Variants in ZFYVE19 observed in about 807,000 individuals in gnomAD.
The protein encoded by ZFYVE19 is zinc finger FYVE-type containing 19.
ZFYVE19 carries 49 observed loss-of-function variants against 62.8 expected under a neutral mutation model. The observed-to-expected ratio is 0.78, with a 90% CI of 0.62 to 0.99. ZFYVE19 has a LOEUF of 0.99. Among genes scored for constraint, ZFYVE19 ranks in the 50% least tolerant of loss-of-function variants. The probability of loss-of-function intolerance (pLI) is 0.00; values close to 1 mark genes in which losing one functional copy is unlikely to be tolerated. For missense variants in ZFYVE19, 630 were observed against 601.9 expected, an observed-to-expected ratio of 1.05 and a Z score of -0.49; for synonymous variants, 242 against 234.3, an observed-to-expected ratio of 1.03 and a Z score of -0.30.
chr15:40,813,894 A>G, intron 9 of ZFYVE19, 49 bp from the exon 10 acceptor site: 4 of 1,592,992 alleles, frequency 2.5e-6, no homozygotes, highest in Non-Finnish European at 3.4e-6. Context: ...AGCAGCTCAC[A>G]TACCCCACTG....
chr15:40,808,056 G>C lies in ZFYVE19; in HGVS notation c.279+188G>C, dbSNP rs141749573. On this transcript the variant is annotated intron_variant, in intron 1 of 10. Coordinates refer to ENST00000355341, the MANE Select transcript of ZFYVE19 (RefSeq NM_001077268.2). ...CTCTCGCTTTCAGGGTTTATGTGAG[G>C]GTCCACTGAAGTGCTTTAGGTGAGA... 213 of 1,030,342 alleles carry C rather than the reference G, an allele frequency of 2.1e-4. 1 individual carries two copies. The East Asian group carries it at 4.7e-3, about 23-fold the overall frequency. The allele number at this position is 1,030,342 out of a possible 1,614,324, so 63.8% of individuals were successfully genotyped here.
At chr15:40,808,931 A>C in intron 1 of ZFYVE19, 188 bp from the exon 2 acceptor site, 1 of 667,092 alleles carries the variant, frequency 1.5e-6, no homozygotes, top group Non-Finnish European at 2.5e-6. Flanking sequence ...TTTGGCTTGA[A>C]TAAGGTACTG....
rs146679421 is a variant in ZFYVE19, at chr15:40,807,429, C to A, written c.-161C>A. On this transcript the variant is annotated 5_prime_UTR_variant, in exon 1 of 11. Transcript: ENST00000355341. Reference sequence around the variant, plus strand: ...GCGCGTACAGGTCCATCTGTAAGAGCTCCTTGGTCACTGCCATGGTTCCGG... The same window carrying A: ...GCGCGTACAGGTCCATCTGTAAGAGATCCTTGGTCACTGCCATGGTTCCGG... The A allele has an allele frequency of 1.5e-5, 25 of 1,614,156 alleles. No individual in the cohort carries two copies. The highest frequency in any genetic ancestry group is 3.3e-5 in the Admixed American group (2 of 60,016).
Position 40,810,206 on chromosome 15 carries a change from C to T in ZFYVE19, c.707C>T (p.Thr236Ile). ...ALQGRVLPSQ[T>I]PQPAHHTPDT... ...CAGGGCAGAGTTCTACCTTCTCAAA[C>T]CCCCCAGCCGGTGAGTGTTATGGCT... Residue 236 changes from threonine to isoleucine, a missense_variant, in exon 5 of 11, where the codon ACC (threonine) becomes ATC (isoleucine). By Grantham distance (89) the Thr-to-Ile change is moderately conservative. Transcript: ENST00000355341. 1.2e-6 allele frequency: 2 copies of T among 1,614,070 alleles called. No individual in the cohort carries two copies. Among genetic ancestry groups the T allele is most frequent in the Non-Finnish European group, 1.7e-6 (2 of 1,179,998 alleles).
Position 40,813,402 on chromosome 15 carries a change from A to G in ZFYVE19, c.1095A>G (p.Gln365=), listed in dbSNP as rs1447011428. 1.2e-6 allele frequency: 2 copies of G among 1,608,144 alleles called. No homozygotes were observed. The highest frequency in any genetic ancestry group is 1.7e-5 in the Admixed American group (1 of 59,262). The change falls in exon 8 of 11, where the codon CAA becomes CAG. Residue 365 remains glutamine (Q), a synonymous_variant. Transcript: ENST00000355341. ...ACGAGGATGAGGAGACAGCCATCCA[A>G]AGAGTCCTGCAGCAGGTGGGCCTGG... is the stretch of plus-strand genomic sequence containing the variant. The part of the protein sequence containing the change: ...DDDEDEETAI[Q]RVLQQLTEEA...
intron 6 of ZFYVE19, among the ~76,000 whole-genome samples, chr15:40,812,231 A>G (rs1463568705): frequency 2.0e-5 from 3 of 152,188 alleles, no homozygotes; most frequent in African/African-American, 7.2e-5. Context: ...GCTGAGCAAA[A>G]AGCTGATGAT....
Position 40,814,289 on chromosome 15 carries a change from C to A in ZFYVE19, c.*63C>A. ...CAGCGGCACCCATTTCTGGGCCCAGCCACAGGACGTCCGATGGGAGAGCTT... is the reference window on the plus strand; with the variant it reads ...CAGCGGCACCCATTTCTGGGCCCAGACACAGGACGTCCGATGGGAGAGCTT... On this transcript the variant is annotated 3_prime_UTR_variant, in exon 11 of 11. Coordinates refer to ENST00000355341, the MANE Select transcript of ZFYVE19 (RefSeq NM_001077268.2). The A allele has an allele frequency of 6.3e-7, 1 of 1,582,480 alleles. No homozygotes were observed. Among genetic ancestry groups the A allele is most frequent in the Non-Finnish European group, 8.6e-7 (1 of 1,159,436 alleles).
chr15:40,813,483 T>C, intron 8 of ZFYVE19, 66 bp downstream of exon 8: 1 of 1,484,672 alleles, frequency 6.7e-7, no homozygotes, highest in Non-Finnish European at 9.2e-7. Context: ...ACCTCTACTC[T>C]GGGGCTGGGT....
rs201565395 is a variant in ZFYVE19 at position 40,807,721 on chromosome 15, A to C, written c.132A>C (p.Gly44=). The part of the protein sequence containing the change: ...PVGVWGGAGQ[G]REGRSWGEGP... ...GCGTGTGGGGCGGGGCAGGGCAGGG[A>C]AGGGAAGGGCGGAGCTGGGGTGAGG... is the stretch of plus-strand genomic sequence containing the variant. The change falls in exon 1 of 11, where the codon GGA becomes GGC. Residue 44 remains glycine (G), a synonymous_variant. Transcript: ENST00000355341. The C allele has an allele frequency of 8.5e-6, 11 of 1,298,324 alleles. No homozygotes were observed. In the South Asian group the frequency reaches 9.2e-5, roughly 11 times the overall value. 80.4% of individuals were successfully genotyped at this position (1,298,324 alleles called of 1,614,324 possible). A position where few individuals can be genotyped will look rare whatever the true frequency, so the allele number is the denominator to read the frequency against.
Position 40,807,538 on chromosome 15 carries a change from A to G in ZFYVE19, c.-52A>G. ...CCGAGCGGCGCCTAGCCCTCTGGGA[A>G]TTGTGTTCTGGGTCAGGCTTGACTG... On this transcript the variant is annotated 5_prime_UTR_variant, in exon 1 of 11. Transcript: ENST00000355341. 6.2e-7 allele frequency: 1 copy of G among 1,604,666 alleles called. No individual in the cohort carries two copies.
intron 4 of ZFYVE19, 28 bp from the exon 5 acceptor site, chr15:40,810,043 T>A (rs1890429719): frequency 6.2e-7 from 1 of 1,614,024 alleles, no homozygotes; most frequent in South Asian, 1.1e-5. Context: ...CTCTGGCCCT[T>A]ACAAGGCTCC....
chr15:40,811,927 G>A (rs983111987), intron 6 of ZFYVE19, among the ~76,000 whole-genome samples: 8 of 152,322 alleles, frequency 5.3e-5, no homozygotes, highest in Middle Eastern at 3.4e-3. Flanking sequence ...CCTGCCCAGT[G>A]ATATACAAGC....
In ZFYVE19 at chr15:40,812,870, T is replaced by C; in HGVS notation, c.998T>C (p.Leu333Pro). The change falls in exon 7 of 11, where the codon CTA (leucine) becomes CCA (proline). Residue 333 changes from leucine to proline, a missense_variant. By Grantham distance (98) the Leu-to-Pro change is moderately conservative. Coordinates refer to ENST00000355341, the MANE Select transcript of ZFYVE19 (RefSeq NM_001077268.2). ...CGGATTCTGGCCCTGGCCAAGCGAC[T>C]AGCCATGCTGCGGGGACAGGACCCC... ...QERILALAKR[L>P]AMLRGQDPER... 1 of 1,613,086 alleles carries C rather than the reference T, an allele frequency of 6.2e-7. No homozygotes were observed. The highest frequency in any genetic ancestry group is 8.5e-7 in the Non-Finnish European group (1 of 1,179,980).
At position 40,810,119 on chromosome 15, in the gene ZFYVE19, A is replaced by C. The variant is rs368589091; in HGVS notation, c.620A>C (p.Lys207Thr). The C allele has an allele frequency of 2.4e-5, 39 of 1,614,080 alleles. No homozygotes were observed. In the African/African-American group the frequency reaches 5.2e-4, roughly 22 times the overall value. ...AEIEARLAAL[K>T]DERQGSIPST... The stretch of plus-strand genomic sequence containing the variant: ...ATAGAGGCACGGCTGGCTGCCCTAA[A>C]GGATGAACGTCAGGGTTCCATCCCT... The change falls in exon 5 of 11, where the codon AAG (lysine) becomes ACG (threonine). Residue 207 changes from lysine to threonine, a missense_variant. Coordinates refer to ENST00000355341, the MANE Select transcript of ZFYVE19 (RefSeq NM_001077268.2).
intron 7 of ZFYVE19, 28 bp downstream of exon 7, chr15:40,812,930 G>A: frequency 1.2e-6 from 2 of 1,603,680 alleles, no homozygotes; most frequent in Admixed American, 3.3e-5. Flanking sequence ...GCTGCTCACT[G>A]GTATCCCTTG....
chr15:40,808,978 C>G, intron 1 of ZFYVE19, 141 bp from the exon 2 acceptor site: 2 of 1,236,400 alleles, frequency 1.6e-6, no homozygotes, highest in Non-Finnish European at 2.3e-6. Flanking sequence ...ATCCCTAGGC[C>G]TTAGGGGCCC....
Position 40,812,707 on chromosome 15 carries a change from C to G in ZFYVE19, c.835C>G (p.Leu279Val). 6.2e-7 allele frequency: 1 copy of G among 1,606,840 alleles called. No individual in the cohort carries two copies. The highest frequency in any genetic ancestry group is 1.7e-5 in the Admixed American group (1 of 60,008). ...GGCATTACCCCTTCCAGCTGCCTCT[C>G]TCCAGAATGATCTCAACCAGGGTGG... ...SWKGGGPAAS[L>V]QNDLNQGGPG... is the part of the protein sequence containing the mutation. Residue 279 changes from leucine (L) to valine (V), a missense_variant, in exon 7 of 11, where the codon CTC becomes GTC. Coordinates refer to ENST00000355341, the MANE Select transcript of ZFYVE19 (RefSeq NM_001077268.2).
Position 40,807,731 on chromosome 15 carries a change from C to T in ZFYVE19, c.142C>T (p.Arg48Trp), listed in dbSNP as rs757896281. The T allele has an allele frequency of 4.4e-6, 7 of 1,591,312 alleles. No homozygotes were observed. In the East Asian group the frequency reaches 6.7e-5, roughly 15 times the overall value. The change falls in exon 1 of 11, where the codon CGG (arginine) becomes TGG (tryptophan). Residue 48 changes from arginine to tryptophan, a missense_variant. Physicochemically the swap from Arg to Trp is moderately radical, Grantham distance 101 (BLOSUM62 -3). Coordinates refer to ENST00000355341, the MANE Select transcript of ZFYVE19 (RefSeq NM_001077268.2). ...CGGGGCAGGGCAGGGAAGGGAAGGG[C>T]GGAGCTGGGGTGAGGGTCCAAGGGG... ...WGGAGQGREG[R>W]SWGEGPRGPG...
intron 6 of ZFYVE19, among the ~76,000 whole-genome samples, chr15:40,812,013 G>C (rs1393669965): frequency 6.6e-6 from 1 of 152,180 alleles, no homozygotes; most frequent in Non-Finnish European, 1.5e-5. Flanking sequence ...CAAAGAGATC[G>C]GCTGAACCTG....
Sources: allele counts gnomAD v4.1 joint callset (sites outside exome capture counted in the v4.1 genomes callset), GRCh38; gene constraint gnomAD v4.1.1; transcripts MANE v1.5; gene names NCBI Gene and HGNC (gene_info 2026-07-23, HGNC 2026-07-21).